The following TBX5 variants were observed in gnomAD, a reference collection of about 807,000 sequenced individuals.
TBX5 encodes the protein T-box transcription factor TBX5.
A neutral mutation model predicts 51.1 loss-of-function variants in TBX5; 8 were observed. The ratio of observed to expected loss-of-function variants is 0.16; its 90% CI spans 0.09 to 0.28. The LOEUF is 0.28. Ranked by LOEUF, TBX5 falls within the 10% of genes least tolerant of loss-of-function variation. The probability of loss-of-function intolerance (pLI) is 1.00; values close to 1 mark genes in which losing one functional copy is unlikely to be tolerated. For missense variants in TBX5, 589 were observed against 671.7 expected, an observed-to-expected ratio of 0.88 and a Z score of 1.36; for synonymous variants, 302 against 266.4, an observed-to-expected ratio of 1.13 and a Z score of -1.30.
chr12:114,389,753 C>CAAAAAAAAAAAA (rs55649814), intron 6 of TBX5, among the ~76,000 whole-genome samples: 1 of 40,244 alleles, frequency 2.5e-5, no homozygotes, highest in Non-Finnish European at 4.4e-5. Flanking sequence ...GACTCCGTCT[C>CAAAAAAAAAAAA]AAAAAAAAAA....
At chr12:114,367,285 G>A (rs1415845440) in intron 7 of TBX5, among the ~76,000 whole-genome samples, 1 of 105,352 alleles carries the variant, frequency 9.5e-6, no homozygotes, top group East Asian at 3.3e-4. Context: ...AAATCAGCAT[G>A]GGATCTAAGA....
In TBX5 at chr12:114,355,545, C is replaced by A; in HGVS notation, c.1544G>T (p.Ser515Ile). 6.2e-7 allele frequency: 1 copy of A among 1,614,160 alleles called. No homozygotes were observed. The highest frequency in any genetic ancestry group is 8.5e-7 in the Non-Finnish European group (1 of 1,180,038). Reference sequence around the variant, plus strand: ...GCAGGCCTCACTTTAGCTATTGTCGCTCCACTCTGGCACCATGCCAACTCC... The same window carrying A: ...GCAGGCCTCACTTTAGCTATTGTCGATCCACTCTGGCACCATGCCAACTCC... ...VHGVGMVPEW[S>I]DNS Residue 515 changes from serine to isoleucine, a missense_variant, in exon 9 of 9, where the codon AGC becomes ATC. Coordinates refer to ENST00000405440, the MANE Select transcript of TBX5 (RefSeq NM_181486.4).
chr12:114,392,315 C>T (rs1408105885), intron 6 of TBX5, among the ~76,000 whole-genome samples: 1 of 151,926 alleles, frequency 6.6e-6, no homozygotes, highest in Non-Finnish European at 1.5e-5. Context: ...GGCATATTCA[C>T]AAATGGCTGC....
intron 7 of TBX5, among the ~76,000 whole-genome samples, chr12:114,379,725 G>A (rs529773621): frequency 2.6e-5 from 4 of 152,288 alleles, no homozygotes; most frequent in South Asian, 4.1e-4. Context: ...CCCAGCTCCT[G>A]GGCCTGTTTC....
chr12:114,355,325 A>G lies in TBX5; in HGVS notation c.*207T>C. Reference sequence around the variant, plus strand: ...TGTTTGTTTTTTTAAGTTTTGAGACAAAACAAGAAAGTCACATTTTTAAAA... The same window carrying G: ...TGTTTGTTTTTTTAAGTTTTGAGACGAAACAAGAAAGTCACATTTTTAAAA... On this transcript the variant is annotated 3_prime_UTR_variant, in exon 9 of 9. Coordinates refer to ENST00000405440, the MANE Select transcript of TBX5 (RefSeq NM_181486.4). The G allele has an allele frequency of 1.4e-6, 1 of 723,382 alleles. No homozygotes were observed. The highest frequency in any genetic ancestry group is 1.5e-5 in the South Asian group (1 of 66,942). 44.8% of individuals were successfully genotyped at this position (723,382 alleles called of 1,614,324 possible).
chr12:114,380,530 T>C (rs1402594528), intron 7 of TBX5, among the ~76,000 whole-genome samples: 1 of 152,218 alleles, frequency 6.6e-6, no homozygotes, highest in Non-Finnish European at 1.5e-5. Flanking sequence ...ATAACATCTA[T>C]GAAATCACAG....
chr12:114,393,273 G>A (rs773846198), intron 6 of TBX5, among the ~76,000 whole-genome samples: 7 of 79,218 alleles, frequency 8.8e-5, no homozygotes, highest in Non-Finnish European at 2.4e-4. Flanking sequence ...GCTAAGAAAA[G>A]GGAGGGGCAC....
At position 114,366,076 on chromosome 12, in the gene TBX5, A is replaced by C. The variant is rs1213088696; in HGVS notation, c.982+89T>G. 3 of 1,306,060 alleles carry C rather than the reference A, an allele frequency of 2.3e-6. No individual in the cohort carries two copies. In the African/African-American group the frequency reaches 4.4e-5, roughly 19 times the overall value. 80.9% of individuals were successfully genotyped at this position (1,306,060 alleles called of 1,614,324 possible). On this transcript the variant is annotated intron_variant, in intron 8 of 8. Transcript: ENST00000405440. ...ACATTTTTAAATAAATAAAGTAAATAAATGAATACTCCTCACCCCCTCACC... is the reference window on the plus strand; with the variant it reads ...ACATTTTTAAATAAATAAAGTAAATCAATGAATACTCCTCACCCCCTCACC...
At chr12:114,400,704 G>A (rs1033444045) in intron 3 of TBX5, among the ~76,000 whole-genome samples, 2 of 152,234 alleles carry the variant, frequency 1.3e-5, no homozygotes, top group East Asian at 1.9e-4. Context: ...GGCTCGGGGG[G>A]AAAGAGGGAC....
rs907617752 is a variant in TBX5, at chr12:114,356,068, G to C, written c.1021C>G (p.Pro341Ala). Residue 341 changes from proline to alanine, a missense_variant, in exon 9 of 9, where the codon CCC (proline) becomes GCC (alanine). Pro to Ala is a conservative substitution (Grantham distance 27). Around this residue, in one of 7 missense-constraint regions of TBX5, gnomAD observed 348 missense variants for 360.4 expected, o/e 0.97. Transcript: ENST00000405440. ...TCACTGGGTGATGTCTCCATGTAGG[G>C]CTTCTTATAGGGATGGTCTGTGGTG... ...CSTTDHPYKK[P>A]YMETSPSEED... The C allele has an allele frequency of 1.9e-6, 3 of 1,613,462 alleles. No individual in the cohort carries two copies. In the African/African-American group the frequency reaches 4.0e-5, roughly 22 times the overall value.
chr12:114,376,824 G>A (rs1177935162), intron 7 of TBX5, among the ~76,000 whole-genome samples: 1 of 150,848 alleles, frequency 6.6e-6, no homozygotes, highest in Non-Finnish European at 1.5e-5. Flanking sequence ...CCTCATTAAA[G>A]ATGAGGAAAA....
chr12:114,368,916 A>G (rs1282253836), intron 7 of TBX5, among the ~76,000 whole-genome samples: 1 of 152,186 alleles, frequency 6.6e-6, no homozygotes, highest in African/African-American at 2.4e-5. Flanking sequence ...CAGCCGCACC[A>G]GTCAGAATCT....
At chr12:114,361,052 C>T (rs1241833375) in intron 8 of TBX5, among the ~76,000 whole-genome samples, 1 of 152,142 alleles carries the variant, frequency 6.6e-6, no homozygotes, top group African/African-American at 2.4e-5. Flanking sequence ...TCCCAAGCAC[C>T]TAGCACAGTG....
chr12:114,390,384 T>C (rs1173013914), intron 6 of TBX5, among the ~76,000 whole-genome samples: 1 of 152,222 alleles, frequency 6.6e-6, no homozygotes, highest in Non-Finnish European at 1.5e-5. Context: ...GAAACTGACT[T>C]CTATTCACCA....
chr12:114,407,170 C>A, upstream of TBX5: 1 of 941,250 alleles, frequency 1.1e-6, no homozygotes, highest in Non-Finnish European at 1.3e-6. Context: ...TGCAAAATGC[C>A]AAAGTGGAGA....
At chr12:114,367,086 T>C (rs1869579856) in intron 7 of TBX5, among the ~76,000 whole-genome samples, 2 of 151,968 alleles carry the variant, frequency 1.3e-5, no homozygotes, top group East Asian at 3.9e-4. Flanking sequence ...GAAAGGTACA[T>C]GGCACAGAGT....
At chr12:114,407,050 C>T, upstream of TBX5, 1 of 985,286 alleles carries the variant, frequency 1.0e-6, no homozygotes, top group Non-Finnish European at 1.2e-6. Context: ...AGACTTGGGC[C>T]TGCAAGTCAA....
chr12:114,375,555 T>C (rs1042649772), intron 7 of TBX5, among the ~76,000 whole-genome samples: 3 of 152,124 alleles, frequency 2.0e-5, no homozygotes, highest in Admixed American at 1.3e-4. Flanking sequence ...TCATTACTCA[T>C]TGAGGAAATA....
chr12:114,370,257 A>T (rs1869786988), intron 7 of TBX5, among the ~76,000 whole-genome samples: 1 of 123,716 alleles, frequency 8.1e-6, no homozygotes, highest in African/African-American at 3.0e-5. Flanking sequence ...AGAAAAGAAA[A>T]GAAAAGAAAA....
Sources: gnomAD v4.1 joint callset for allele counts (sites outside exome capture counted in the v4.1 genomes callset) on GRCh38, gnomAD v4.1.1 for gene constraint, gnomAD v4.1.1 regional missense constraint, MANE v1.5 for transcripts, NCBI Gene and HGNC (gene_info 2026-07-23, HGNC 2026-07-21) for gene names.